ATP5MF: variants seen among roughly 807,000 people sequenced by gnomAD.
ATP5MF encodes ATP synthase membrane subunit f.
A neutral mutation model predicts 13.8 loss-of-function variants in ATP5MF; 10 were observed. The ratio of observed to expected loss-of-function variants is 0.72; its 90% CI spans 0.45 to 1.23. The LOEUF (loss-of-function observed/expected upper bound fraction) is 1.23, where lower values mean the gene tolerates loss of function less well. Ranked by LOEUF, ATP5MF falls within the 50% of genes most tolerant of loss-of-function variation. The pLI is 0.00. For missense variants in ATP5MF, 122 were observed against 118.2 expected (o/e 1.03, Z -0.15); for synonymous variants, 40 against 45.8 (o/e 0.87, Z 0.51).
At chr7:99,459,890 AAT>A (rs1798521289) in intron 2 of ATP5MF, 194 bp downstream of exon 2, 5 of 605,074 alleles carry the variant, frequency 8.3e-6, no homozygotes, top group Admixed American at 3.3e-5. Context: ...TCTTGGCTGT[AAT>A]ATCTCAGAGC....
At chr7:99,459,532 C>T in intron 2 of ATP5MF, 1 of 411,132 alleles carries the variant, frequency 2.4e-6, no homozygotes, top group South Asian at 2.5e-5. Flanking sequence ...CTTATAGCCT[C>T]CTGAGTAGCT....
chr7:99,466,054 G>T, intron 1 of ATP5MF, 57 bp downstream of exon 1: 3 of 1,612,970 alleles, frequency 1.9e-6, no homozygotes, highest in Non-Finnish European at 1.7e-6. Flanking sequence ...CTCCCAGTGT[G>T]GCTCTGGACC....
intron 1 of ATP5MF, among the ~76,000 whole-genome samples, chr7:99,464,198 C>G (rs1798741892): frequency 6.6e-6 from 1 of 152,246 alleles, no homozygotes; most frequent in South Asian, 2.1e-4. Flanking sequence ...AGCTCTTGAC[C>G]ACAGCCCTAT....
chr7:99,459,838 GAC>G, intron 2 of ATP5MF: 1 of 481,800 alleles, frequency 2.1e-6, no homozygotes, highest in Non-Finnish European at 3.7e-6. Flanking sequence ...ATTTCTCTAA[GAC>G]AGAGGCAGAC....
At chr7:99,460,548 T>A (rs781355310) in intron 1 of ATP5MF, 2 of 530,122 alleles carry the variant, frequency 3.8e-6, no homozygotes, top group Admixed American at 3.9e-5. Context: ...TATTTAATCT[T>A]CACAACAAGC....
Position 99,466,163 on chromosome 7 carries a change from G to C in ATP5MF, c.-22C>G. On this transcript the variant is annotated 5_prime_UTR_variant, in exon 1 of 4. Coordinates refer to ENST00000292475, the MANE Select transcript of ATP5MF (RefSeq NM_004889.5). ...CCATTTTGGAGTCCTGGTGTCCGCT[G>C]TGCCGGACCGCGCGAGGGCTGCTGG... is the stretch of plus-strand genomic sequence containing the variant. 1 of 1,614,148 alleles carries C rather than the reference G, an allele frequency of 6.2e-7. No individual in the cohort carries two copies. The highest frequency in any genetic ancestry group is 8.5e-7 in the Non-Finnish European group (1 of 1,180,022).
intron 3 of ATP5MF, among the ~76,000 whole-genome samples, chr7:99,458,759 CCT>C (rs1240668621): frequency 6.6e-6 from 1 of 152,146 alleles, no homozygotes; most frequent in South Asian, 2.1e-4. Context: ...CAGACAAGCT[CCT>C]CTCAAGCCTC....
At chr7:99,458,480 C>A in intron 3 of ATP5MF, 125 bp from the exon 4 acceptor site, 1 of 964,900 alleles carries the variant, frequency 1.0e-6, no homozygotes, top group Non-Finnish European at 1.5e-6. Flanking sequence ...GACCCATGAC[C>A]CGCCTGCCGG....
chr7:99,461,229 C>T (rs1554369632), intron 1 of ATP5MF, among the ~76,000 whole-genome samples: 3 of 152,136 alleles, frequency 2.0e-5, no homozygotes, highest in Non-Finnish European at 1.5e-5. Flanking sequence ...GGGTCTCACT[C>T]CATTACCCAG....
At chr7:99,459,054 G>A in intron 3 of ATP5MF, 93 bp downstream of exon 3, 1 of 931,162 alleles carries the variant, frequency 1.1e-6, no homozygotes, top group South Asian at 1.4e-5. Flanking sequence ...AGGTCCCTCA[G>A]CCTCAGAAGA....
rs1332962549 is a variant in ATP5MF at position 99,458,260 on chromosome 7, G to C, written c.*67C>G. On this transcript the variant is annotated 3_prime_UTR_variant, in exon 4 of 4. Coordinates refer to ENST00000292475, the MANE Select transcript of ATP5MF (RefSeq NM_004889.5). ...TATGAAAGGATTCAGCAACGATTGA[G>C]ATTGTGTTCCTCACGGAGGGGCTCG... 1 of 1,494,860 alleles carries C rather than the reference G, an allele frequency of 6.7e-7. No individual in the cohort carries two copies. The highest frequency in any genetic ancestry group is 2.3e-5 in the East Asian group (1 of 43,712). 92.6% of individuals were successfully genotyped at this position (1,494,860 alleles called of 1,614,324 possible).
At chr7:99,460,945 A>G (rs1007738361) in intron 1 of ATP5MF, among the ~76,000 whole-genome samples, 1 of 152,234 alleles carries the variant, frequency 6.6e-6, no homozygotes, top group Admixed American at 6.5e-5. Context: ...TTCCAGAGAT[A>G]AAAATAAGAG....
intron 3 of ATP5MF, among the ~76,000 whole-genome samples, chr7:99,458,772 A>G (rs1023520238): frequency 6.6e-6 from 1 of 152,104 alleles, no homozygotes; most frequent in Non-Finnish European, 1.5e-5. Context: ...CTCAAGCCTC[A>G]GAGCCGGAAC....
intron 1 of ATP5MF, among the ~76,000 whole-genome samples, chr7:99,460,802 G>A (rs1219663537): frequency 6.6e-6 from 1 of 152,160 alleles, no homozygotes; most frequent in Admixed American, 6.6e-5. Flanking sequence ...TTGTTTACTG[G>A]GGAAGGGCTT....
intron 1 of ATP5MF, among the ~76,000 whole-genome samples, chr7:99,464,777 G>A (rs766950958): frequency 3.3e-5 from 5 of 151,866 alleles, no homozygotes; most frequent in Non-Finnish European, 7.4e-5. Context: ...CCTGGTCAAC[G>A]TGGCGAAACC....
At chr7:99,462,431 ACACTC>A (rs1422579812) in intron 1 of ATP5MF, among the ~76,000 whole-genome samples, 2 of 142,020 alleles carry the variant, frequency 1.4e-5, no homozygotes, top group African/African-American at 5.3e-5. Context: ...TTGTGCCACT[ACACTC>A]CAGCCTGGGT....
intron 1 of ATP5MF, among the ~76,000 whole-genome samples, chr7:99,463,633 G>A (rs538622139): frequency 2.6e-5 from 4 of 152,106 alleles, no homozygotes; most frequent in African/African-American, 4.8e-5. Context: ...AAAATTAGCC[G>A]GGTGTGGTGG....
At chr7:99,465,204 A>T (rs1262629162) in intron 1 of ATP5MF, among the ~76,000 whole-genome samples, 1 of 151,776 alleles carries the variant, frequency 6.6e-6, no homozygotes, top group Admixed American at 6.6e-5. Flanking sequence ...GGTTACAGTG[A>T]GCCGAGATCA....
intron 3 of ATP5MF, chr7:99,458,877 G>C (rs912587371): frequency 4.5e-5 from 19 of 422,178 alleles, no homozygotes; most frequent in Non-Finnish European, 1.7e-5. Flanking sequence ...TTCACAGTGT[G>C]CTGTATTTTA....
Sources: gnomAD v4.1 joint callset for allele counts (sites outside exome capture counted in the v4.1 genomes callset) on GRCh38, gnomAD v4.1.1 for gene constraint, MANE v1.5 for transcripts, NCBI Gene and HGNC (gene_info 2026-07-23, HGNC 2026-07-21) for gene names.